CPAMD8: variants seen among roughly 807,000 people sequenced by gnomAD.
The protein encoded by CPAMD8 is C3 and PZP-like alpha-2-macroglobulin domain-containing protein 8.
In CPAMD8, 146 loss-of-function variants were observed where a neutral mutation model predicts 224.7. The ratio of observed to expected loss-of-function variants is 0.65; its 90% CI spans 0.57 to 0.75. The LOEUF (loss-of-function observed/expected upper bound fraction) is 0.75. Ranked by LOEUF, CPAMD8 falls within the 30% of genes least tolerant of loss-of-function variation. CPAMD8 has a pLI of 0.00. For synonymous variants in CPAMD8, 966 were observed against 1,044.6 expected (o/e 0.92, Z 1.45); for missense variants, 2,301 against 2,537.5 (o/e 0.91, Z 2.00).
intron 27 of CPAMD8, among the ~76,000 whole-genome samples, chr19:16,919,299 C>T (rs550600642): frequency 5.6e-4 from 86 of 152,282 alleles, no homozygotes; most frequent in African/African-American, 1.6e-3. Context: ...GCATCCTTCC[C>T]GCTTTCTCTC....
intron 23 of CPAMD8, among the ~76,000 whole-genome samples, chr19:16,935,420 C>T (rs1256778659): frequency 2.0e-5 from 3 of 152,176 alleles, no homozygotes; most frequent in Non-Finnish European, 4.4e-5. Flanking sequence ...CTACTTCCTT[C>T]TCCCTCTCCC....
At chr19:16,929,325 G>T in intron 23 of CPAMD8, 85 bp from the exon 24 acceptor site, 1 of 1,114,106 alleles carries the variant, frequency 9.0e-7, no homozygotes, top group Non-Finnish European at 1.3e-6. Flanking sequence ...GTGAGCACCA[G>T]GACCACAAGG....
intron 22 of CPAMD8, among the ~76,000 whole-genome samples, chr19:16,941,154 A>G (rs1233989183): frequency 6.6e-6 from 1 of 152,148 alleles, no homozygotes; most frequent in Non-Finnish European, 1.5e-5. Flanking sequence ...GCTGGTCTCG[A>G]ACTCCTGGCC....
At chr19:16,948,825 A>G (rs1385096430) in intron 20 of CPAMD8, among the ~76,000 whole-genome samples, 62 of 127,698 alleles carry the variant, frequency 4.9e-4, no homozygotes, top group Middle Eastern at 3.9e-3. Context: ...GGGGAAGGGA[A>G]GGGAAGGGAG....
intron 25 of CPAMD8, among the ~76,000 whole-genome samples, chr19:16,925,899 G>C (rs140642476): frequency 6.6e-6 from 1 of 151,448 alleles, no homozygotes; most frequent in African/African-American, 2.4e-5. Context: ...GACTACAGGC[G>C]TGTGCCACCA....
chr19:16,897,383 G>T, intron 39 of CPAMD8: 1 of 351,352 alleles, frequency 2.8e-6, no homozygotes, highest in Non-Finnish European at 5.0e-6. Flanking sequence ...AACCCATTGC[G>T]CCCAGTCCCC....
intron 23 of CPAMD8, among the ~76,000 whole-genome samples, chr19:16,935,130 A>C (rs2053648057): frequency 6.6e-6 from 1 of 152,172 alleles, no homozygotes; most frequent in Admixed American, 6.5e-5. Context: ...TGCTAAGATA[A>C]TCACATGCAA....
intron 41 of CPAMD8, chr19:16,894,388 TGTC>T (rs760693759): frequency 4.4e-6 from 2 of 456,600 alleles, no homozygotes; most frequent in South Asian, 3.1e-5. Flanking sequence ...AGCCAGATGG[TGTC>T]GTCCTGCTCT....
At position 16,896,085 on chromosome 19, in the gene CPAMD8, G is replaced by C. The variant is rs752283156; in HGVS notation, c.5426+91C>G. 1.2e-5 allele frequency: 17 copies of C among 1,445,530 alleles called. No homozygotes were observed. In the South Asian group the frequency reaches 1.6e-4, roughly 14 times the overall value. The allele number at this position is 1,445,530 out of a possible 1,614,324, so 89.5% of individuals were successfully genotyped here. A position where few individuals can be genotyped will look rare whatever the true frequency, so the allele number is the denominator to read the frequency against. ...GGGGTCGGGGCGGGGCGGAGGAGTC[G>C]GGGCAGGTCGTCGGGGGAGGTTGGT... On this transcript the variant is annotated intron_variant, in intron 41 of 41. Transcript: ENST00000443236.
chr19:16,976,000 A>T lies in CPAMD8; in HGVS notation c.1908+2T>A. The T allele has an allele frequency of 1.3e-6, 2 of 1,587,502 alleles. No individual in the cohort carries two copies. The highest frequency in any genetic ancestry group is 1.7e-6 in the Non-Finnish European group (2 of 1,166,178). On this transcript the variant is annotated splice_donor_variant, in intron 16 of 41. Transcript: ENST00000443236. LOFTEE classifies it high-confidence loss of function. ...GAACCCAAGCCCGAGGGGTCTGCTC[A>T]CCTGGGCAGGAGTCAGCCGGAACCC...
chr19:16,995,074 C>T (rs191121183), intron 11 of CPAMD8, among the ~76,000 whole-genome samples: 116 of 152,300 alleles, frequency 7.6e-4, no homozygotes, highest in Non-Finnish European at 1.1e-3. Flanking sequence ...ATTCTGACCC[C>T]GCACGAGGTA....
At chr19:16,958,437 CA>C (rs1315751978) in intron 18 of CPAMD8, among the ~76,000 whole-genome samples, 1 of 152,200 alleles carries the variant, frequency 6.6e-6, no homozygotes, top group Non-Finnish European at 1.5e-5. Flanking sequence ...CATGTTTCCA[CA>C]AAAGACATGA....
At chr19:16,907,441 C>T (rs1475092634) in intron 29 of CPAMD8, 2 of 165,452 alleles carry the variant, frequency 1.2e-5, no homozygotes, top group Admixed American at 6.0e-5. Context: ...AACCCCATCT[C>T]TACTAAAAAT....
At chr19:16,957,956 A>C (rs916592009) in intron 18 of CPAMD8, 41 bp from the exon 19 acceptor site, 1 of 1,573,428 alleles carries the variant, frequency 6.4e-7, no homozygotes, top group African/African-American at 1.4e-5. Flanking sequence ...TTTCATGAAC[A>C]TAACAAATCT....
intron 28 of CPAMD8, 35 bp downstream of exon 28, chr19:16,914,622 A>G: frequency 1.2e-6 from 2 of 1,613,404 alleles, no homozygotes; most frequent in Non-Finnish European, 1.7e-6. Flanking sequence ...GGAGGAGGTG[A>G]GGGGCCCGGG....
intron 20 of CPAMD8, among the ~76,000 whole-genome samples, chr19:16,949,889 C>T (rs1356847633): frequency 6.6e-6 from 1 of 152,182 alleles, no homozygotes; most frequent in Non-Finnish European, 1.5e-5. Context: ...ACACACAGCT[C>T]CACCACTCAC....
At chr19:16,994,325 T>C (rs1384518952) in intron 11 of CPAMD8, among the ~76,000 whole-genome samples, 3 of 152,088 alleles carry the variant, frequency 2.0e-5, no homozygotes, top group African/African-American at 7.2e-5. Flanking sequence ...GTATGGACAG[T>C]TCAGTGTGAC....
At chr19:16,975,563 C>T (rs1237440752) in intron 16 of CPAMD8, among the ~76,000 whole-genome samples, 4 of 152,018 alleles carry the variant, frequency 2.6e-5, no homozygotes, top group Non-Finnish European at 4.4e-5. Flanking sequence ...AAAAAATTAG[C>T]CAGGCGTGGT....
Position 16,925,283 on chromosome 19 carries a change from G to A in CPAMD8, c.3460C>T (p.Pro1154Ser). 3 of 1,614,226 alleles carry A rather than the reference G, an allele frequency of 1.9e-6. No homozygotes were observed. The highest frequency in any genetic ancestry group is 2.5e-6 in the Non-Finnish European group (3 of 1,180,046). The change falls in exon 26 of 42, where the codon CCC becomes TCC. Residue 1154 changes from proline to serine, a missense_variant. Pro to Ser is a moderately conservative substitution (Grantham distance 74, BLOSUM62 -1). Coordinates refer to ENST00000443236, the MANE Select transcript of CPAMD8 (RefSeq NM_015692.5). Reference protein sequence around the residue: ...CGEQNMIHFAPNVFVLKYLQK... With the variant: ...CGEQNMIHFASNVFVLKYLQK... ...AGATACTTCAAGACAAAGACGTTGGGTGCAAAGTGGATCATGTTCTGCTCT... is the reference window on the plus strand; with the variant it reads ...AGATACTTCAAGACAAAGACGTTGGATGCAAAGTGGATCATGTTCTGCTCT...
Sources: allele counts gnomAD v4.1 joint callset (sites outside exome capture counted in the v4.1 genomes callset), GRCh38; gene constraint gnomAD v4.1.1; transcripts MANE v1.5; gene names NCBI Gene and HGNC (gene_info 2026-07-23, HGNC 2026-07-21).